Variants in SLC26A5 observed in about 807,000 individuals in gnomAD.
SLC26A5 encodes prestin.
Under a neutral mutation model 81.0 loss-of-function variants are expected in SLC26A5, and 51 were observed. The observed-to-expected ratio is 0.63, with a 90% CI of 0.50 to 0.80. The LOEUF (loss-of-function observed/expected upper bound fraction) is 0.80, where lower values mean the gene tolerates loss of function less well. Among genes scored for constraint, SLC26A5 ranks in the 30% least tolerant of loss-of-function variants. SLC26A5 has a pLI of 0.00. For missense variants in SLC26A5, 771 were observed against 905.8 expected (o/e 0.85, Z 1.91); for synonymous variants, 325 against 332.8 (o/e 0.98, Z 0.25).
intron 1 of SLC26A5, among the ~76,000 whole-genome samples, chr7:103,443,785 C>T (rs1827059208): frequency 6.6e-6 from 1 of 152,226 alleles, no homozygotes; most frequent in African/African-American, 2.4e-5. Flanking sequence ...AATTTACCCA[C>T]ATTGCTTCAT....
chr7:103,431,150 A>G (rs954574626), intron 2 of SLC26A5, among the ~76,000 whole-genome samples: 1 of 152,220 alleles, frequency 6.6e-6, no homozygotes, highest in South Asian at 2.1e-4. Flanking sequence ...GAGTTCTCTA[A>G]GCAAAAATGA....
At chr7:103,391,279 C>T (rs926320096) in intron 11 of SLC26A5, among the ~76,000 whole-genome samples, 2 of 152,250 alleles carry the variant, frequency 1.3e-5, no homozygotes, top group Non-Finnish European at 2.9e-5. Context: ...AGATATTGAA[C>T]ATTTCCATCA....
chr7:103,369,889 C>G (rs563629510), downstream of SLC26A5, among the ~76,000 whole-genome samples: 1 of 152,260 alleles, frequency 6.6e-6, no homozygotes, highest in African/African-American at 2.4e-5. Flanking sequence ...TGAGGTTTAT[C>G]TGTTACGTAA....
chr7:103,408,325 C>T (rs896731082), intron 7 of SLC26A5, among the ~76,000 whole-genome samples: 1 of 152,128 alleles, frequency 6.6e-6, no homozygotes, highest in Non-Finnish European at 1.5e-5. Context: ...CTCCCAGGTT[C>T]AAGCAATTCT....
intron 19 of SLC26A5, chr7:103,355,016 A>C (rs1819951952): frequency 9.3e-7 from 1 of 1,072,390 alleles, no homozygotes; most frequent in Admixed American, 1.9e-5. Flanking sequence ...AAGAGTTTAA[A>C]TACAGATTTT....
intron 8 of SLC26A5, among the ~76,000 whole-genome samples, chr7:103,406,133 G>A (rs1461972522): frequency 2.6e-5 from 4 of 152,148 alleles, no homozygotes; most frequent in South Asian, 4.1e-4. Context: ...GGTGGGATCC[G>A]CTGAGCTAGA....
intron 2 of SLC26A5, among the ~76,000 whole-genome samples, chr7:103,436,966 G>A (rs1826495983): frequency 6.6e-6 from 1 of 152,124 alleles, no homozygotes; most frequent in African/African-American, 2.4e-5. Flanking sequence ...CTAAGGCTCT[G>A]CACAGCAAAG....
chr7:103,413,345 C>T (rs1458947802), intron 4 of SLC26A5, among the ~76,000 whole-genome samples: 2 of 151,926 alleles, frequency 1.3e-5, no homozygotes, highest in Non-Finnish European at 2.9e-5. Flanking sequence ...TTTTTTTCTG[C>T]TTTATTCTTT....
intron 14 of SLC26A5, among the ~76,000 whole-genome samples, chr7:103,386,905 G>A (rs1393735490): frequency 1.3e-5 from 2 of 152,030 alleles, no homozygotes; most frequent in African/African-American, 4.8e-5. Context: ...GGGATTACAG[G>A]CACTCGCCAC....
chr7:103,406,106 T>A (rs898178603), intron 8 of SLC26A5, among the ~76,000 whole-genome samples: 3 of 152,222 alleles, frequency 2.0e-5, no homozygotes, highest in Non-Finnish European at 4.4e-5. Flanking sequence ...GGAGCTTAGC[T>A]TTCTGGGCTC....
chr7:103,397,192 A>C (rs2116530818), intron 9 of SLC26A5, among the ~76,000 whole-genome samples: 1 of 151,764 alleles, frequency 6.6e-6, no homozygotes, highest in East Asian at 1.9e-4. Context: ...GGATCACCTG[A>C]GGTCAGGAGT....
At chr7:103,403,711 T>G (rs1823790866) in intron 8 of SLC26A5, among the ~76,000 whole-genome samples, 1 of 150,402 alleles carries the variant, frequency 6.6e-6, no homozygotes, top group African/African-American at 2.5e-5. Flanking sequence ...TTTTTTTTTT[T>G]GCTTTTCATT....
rs370383756 is a variant in SLC26A5 at position 103,436,474 on chromosome 7, C to G, written c.-54+6609G>C. On this transcript the variant is annotated intron_variant, in intron 2 of 19. Coordinates refer to ENST00000306312, the MANE Select transcript of SLC26A5 (RefSeq NM_198999.3). ...AACGTATCAGGCCCCTTCAGATTTG[C>G]TCCCCACTGATAGTTGAAACCCAAA... Among the ~76,000 whole-genome samples the G allele has an allele frequency of 2.6e-5, 4 of 152,302 alleles. No individual in the cohort carries two copies. In the East Asian group the frequency reaches 7.7e-4, roughly 29 times the overall value.
At chr7:103,355,032 T>G in intron 19 of SLC26A5, 1 of 882,784 alleles carries the variant, frequency 1.1e-6, no homozygotes, top group Non-Finnish European at 1.8e-6. Context: ...ATTTTACTCC[T>G]TCATGATTAC....
At chr7:103,354,084 T>A in intron 19 of SLC26A5, 3 of 718,304 alleles carry the variant, frequency 4.2e-6, no homozygotes, top group Non-Finnish European at 6.5e-6. Context: ...AAACAAAAAA[T>A]AAAATAAAAA....
chr7:103,421,854 C>T (rs1018729825), intron 2 of SLC26A5, among the ~76,000 whole-genome samples: 1 of 152,148 alleles, frequency 6.6e-6, no homozygotes. Flanking sequence ...CCCTCTAGGT[C>T]CACATAAGAG....
At chr7:103,411,365 G>A in intron 6 of SLC26A5, 55 bp downstream of exon 6, 1 of 1,603,262 alleles carries the variant, frequency 6.2e-7, no homozygotes, top group Non-Finnish European at 8.5e-7. Flanking sequence ...GCACTCAGTA[G>A]ATACTTGTTA....
At chr7:103,360,110 C>T (rs1820294655) in intron 19 of SLC26A5, among the ~76,000 whole-genome samples, 1 of 151,764 alleles carries the variant, frequency 6.6e-6, no homozygotes, top group Admixed American at 6.6e-5. Flanking sequence ...TTTAATAACA[C>T]CAACATCTAG....
intron 14 of SLC26A5, among the ~76,000 whole-genome samples, chr7:103,387,019 T>G (rs183142786): frequency 6.6e-6 from 1 of 152,230 alleles, no homozygotes; most frequent in African/African-American, 2.4e-5. Context: ...GCCTCAGTCT[T>G]CCAATTCCTG....
Sources: allele counts gnomAD v4.1 joint callset (sites outside exome capture counted in the v4.1 genomes callset), GRCh38; gene constraint gnomAD v4.1.1; transcripts MANE v1.5; gene names NCBI Gene and HGNC (gene_info 2026-07-23, HGNC 2026-07-21).